The following NOX4 variants were observed in gnomAD, a reference collection of about 807,000 sequenced individuals.
The protein encoded by NOX4 is kidney oxidase-1.
NOX4 carries 69 observed loss-of-function variants against 87.6 expected under a neutral mutation model. The ratio of observed to expected loss-of-function variants is 0.79; its 90% CI spans 0.65 to 0.96. The LOEUF (loss-of-function observed/expected upper bound fraction) is 0.96, where lower values mean the gene tolerates loss of function less well. Among genes scored for constraint, NOX4 ranks in the 40% least tolerant of loss-of-function variants. NOX4 has a pLI of 0.00. For missense variants in NOX4, 680 were observed against 681.5 expected (o/e 1.00, Z 0.02); for synonymous variants, 275 against 238.2 (o/e 1.15, Z -1.42).
intron 5 of NOX4, chr11:89,443,285 C>G (rs562305981): frequency 6.6e-6 from 1 of 151,218 alleles, no homozygotes; most frequent in South Asian, 2.1e-4. Flanking sequence ...CACATGAACA[C>G]AACAGTATTA....
chr11:89,429,599 A>G (rs1024564809), intron 7 of NOX4, among the ~76,000 whole-genome samples: 4 of 152,226 alleles, frequency 2.6e-5, no homozygotes, highest in Non-Finnish European at 5.9e-5. Flanking sequence ...CAAATAAACT[A>G]GAAAATCTAG....
the NOX4 span, among the ~76,000 whole-genome samples, chr11:89,503,427 A>T: frequency 6.6e-6 from 1 of 152,004 alleles, no homozygotes; most frequent in Admixed American, 6.6e-5. Flanking sequence ...GTAGTATAAT[A>T]TTCAACACAA....
chr11:89,442,546 T>C (rs1325311876), intron 5 of NOX4, among the ~76,000 whole-genome samples: 1 of 152,134 alleles, frequency 6.6e-6, no homozygotes, highest in African/African-American at 2.4e-5. Flanking sequence ...GATTAAGATA[T>C]GTTGATACAA....
chr11:89,543,151 T>C, the NOX4 span, among the ~76,000 whole-genome samples: 72 of 152,320 alleles, frequency 4.7e-4, no homozygotes, highest in South Asian at 0.012. Flanking sequence ...ACATCACCGC[T>C]ACACAATATA....
chr11:89,571,759 A>G, the NOX4 span, among the ~76,000 whole-genome samples: 27 of 152,106 alleles, frequency 1.8e-4, no homozygotes, highest in Admixed American at 8.5e-4. Flanking sequence ...GCTGGGAACT[A>G]TGTCACCCAA....
chr11:89,388,346 T>A (rs1940865573), intron 11 of NOX4, among the ~76,000 whole-genome samples: 2 of 151,992 alleles, frequency 1.3e-5, no homozygotes, highest in African/African-American at 4.8e-5. Context: ...GCCCCAGGAA[T>A]CCACAGAACA....
chr11:89,503,103 C>T (rs1947038998), upstream of NOX4, among the ~76,000 whole-genome samples: 1 of 151,910 alleles, frequency 6.6e-6, no homozygotes, highest in Admixed American at 6.6e-5. Flanking sequence ...TTTGGAAGAA[C>T]AACAGTAGAG....
intron 17 of NOX4, among the ~76,000 whole-genome samples, chr11:89,334,083 A>C (rs993543018): frequency 1.3e-5 from 2 of 151,766 alleles, no homozygotes; most frequent in Non-Finnish European, 3.0e-5. Flanking sequence ...TCTGCTCTTT[A>C]GGGATTTGGT....
Position 89,376,978 on chromosome 11 carries a change from A to T in NOX4, c.1075-3486T>A, listed in dbSNP as rs112204329. ...GAAGCTGAGGCAGGAGAATCACTTGAATTCAGGCGGCAGAGGTTGCAGTGA... is the reference window on the plus strand; with the variant it reads ...GAAGCTGAGGCAGGAGAATCACTTGTATTCAGGCGGCAGAGGTTGCAGTGA... On this transcript the variant is annotated intron_variant, in intron 11 of 17. Coordinates refer to ENST00000263317, the MANE Select transcript of NOX4 (RefSeq NM_016931.5). 4.4e-3 allele frequency among the ~76,000 whole-genome samples: 674 copies of T among 152,318 alleles called. 4 individuals carry two copies. Among genetic ancestry groups the T allele is most frequent in the African/African-American group, 0.015 (631 of 41,576 alleles).
At chr11:89,535,021 T>C in the NOX4 span, among the ~76,000 whole-genome samples, 2 of 152,196 alleles carry the variant, frequency 1.3e-5, no homozygotes, top group Non-Finnish European at 2.9e-5. Context: ...CAACTTAAAA[T>C]AGAGCTTTAT....
intron 8 of NOX4, among the ~76,000 whole-genome samples, chr11:89,407,889 A>T (rs1942272720): frequency 6.6e-6 from 1 of 152,016 alleles, no homozygotes; most frequent in African/African-American, 2.4e-5. Flanking sequence ...CACTTATGTG[A>T]CCTTTATATT....
At chr11:89,364,228 C>A (rs565744410) in intron 12 of NOX4, among the ~76,000 whole-genome samples, 1 of 152,102 alleles carries the variant, frequency 6.6e-6, no homozygotes, top group South Asian at 2.1e-4. Context: ...GCCTAGGTGA[C>A]AGAGTGAGAC....
At chr11:89,357,554 T>C (rs1938165984) in intron 12 of NOX4, among the ~76,000 whole-genome samples, 2 of 152,086 alleles carry the variant, frequency 1.3e-5, no homozygotes, top group African/African-American at 2.4e-5. Context: ...ATCTTTTCAA[T>C]TTTTTTCCCA....
chr11:89,353,895 G>A (rs1187385715), intron 13 of NOX4, among the ~76,000 whole-genome samples: 2 of 152,136 alleles, frequency 1.3e-5, no homozygotes, highest in Non-Finnish European at 2.9e-5. Context: ...AGGCTGTATA[G>A]GCACATGTAT....
the NOX4 span, among the ~76,000 whole-genome samples, chr11:89,520,561 C>A: frequency 6.6e-6 from 1 of 151,936 alleles, no homozygotes; most frequent in South Asian, 2.1e-4. Context: ...ATAATAAGAG[C>A]CATTTATGAC....
chr11:89,351,570 G>A (rs1475206685), intron 13 of NOX4, among the ~76,000 whole-genome samples: 1 of 152,148 alleles, frequency 6.6e-6, no homozygotes, highest in Non-Finnish European at 1.5e-5. Flanking sequence ...ACTAACTCTT[G>A]TCTATGGACT....
chr11:89,355,504 T>C (rs1937975682), intron 12 of NOX4, among the ~76,000 whole-genome samples: 2 of 151,890 alleles, frequency 1.3e-5, no homozygotes, highest in East Asian at 3.9e-4. Flanking sequence ...ATCTTATCAT[T>C]GAAAGGTTAG....
At chr11:89,524,077 G>T in the NOX4 span, among the ~76,000 whole-genome samples, 2 of 152,138 alleles carry the variant, frequency 1.3e-5, no homozygotes, top group Admixed American at 6.6e-5. Flanking sequence ...AGCTGTGGTG[G>T]TTTATGGATA....
chr11:89,405,080 T>TTGTGTGTGTGTGTG (rs71472257), intron 8 of NOX4, among the ~76,000 whole-genome samples: 7,675 of 133,154 alleles, frequency 0.058, 472 homozygotes, highest in African/African-American at 0.15. Flanking sequence ...AAAAGTCAGA[T>TTGTGTGTGTGTGTG]TGTGTGTGTG....
Sources: gnomAD v4.1 joint callset for allele counts (sites outside exome capture counted in the v4.1 genomes callset) on GRCh38, gnomAD v4.1.1 for gene constraint, MANE v1.5 for transcripts, NCBI Gene and HGNC (gene_info 2026-07-23, HGNC 2026-07-21) for gene names.